LRRC7: variants seen among roughly 807,000 people sequenced by gnomAD.
LRRC7 encodes the protein leucine rich repeat containing 7.
In LRRC7, 23 loss-of-function variants were observed where a neutral mutation model predicts 175.7. The ratio of observed to expected loss-of-function variants is 0.13; its 90% CI spans 0.09 to 0.19. The LOEUF is 0.19. Among genes scored for constraint, LRRC7 ranks in the 10% least tolerant of loss-of-function variants. The probability of loss-of-function intolerance (pLI) is 1.00; values close to 1 mark genes in which losing one functional copy is unlikely to be tolerated. For missense variants in LRRC7, 1,354 were observed against 1,904.7 expected (o/e 0.71, Z 5.38); for synonymous variants, 685 against 680.9 (o/e 1.01, Z -0.09).
At chr1:69,593,724 G>C (rs1283682780) in intron 1 of LRRC7, among the ~76,000 whole-genome samples, 5 of 152,122 alleles carry the variant, frequency 3.3e-5, no homozygotes, top group African/African-American at 1.2e-4. Context: ...TGAAATCAGA[G>C]ACTGGGCATG....
chr1:69,847,886 C>A (rs1442935795), intron 7 of LRRC7, among the ~76,000 whole-genome samples: 1 of 152,138 alleles, frequency 6.6e-6, no homozygotes, highest in Non-Finnish European at 1.5e-5. Flanking sequence ...CTGCTCACAG[C>A]TTTCAGAAGA....
intron 4 of LRRC7, among the ~76,000 whole-genome samples, chr1:69,820,752 A>C (rs1679193224): frequency 6.6e-6 from 1 of 151,556 alleles, no homozygotes; most frequent in Non-Finnish European, 1.5e-5. Context: ...TTCTTTATCC[A>C]GTCTATCATT....
chr1:69,873,576 A>G, intron 7 of LRRC7: 2 of 510,960 alleles, frequency 3.9e-6, no homozygotes, highest in South Asian at 2.9e-5. Flanking sequence ...AAATGGCAGC[A>G]TCAGGAGCAT....
intron 8 of LRRC7, among the ~76,000 whole-genome samples, chr1:69,968,798 GT>G (rs924881078): frequency 6.6e-6 from 1 of 151,510 alleles, no homozygotes; most frequent in African/African-American, 2.4e-5. Flanking sequence ...TCTTTGTGGG[GT>G]TTTTTTGTTT....
chr1:69,928,243 C>CGGG (rs1274364518), intron 7 of LRRC7, among the ~76,000 whole-genome samples: 11 of 152,144 alleles, frequency 7.2e-5, no homozygotes, highest in African/African-American at 2.7e-4. Flanking sequence ...TTAGGCTGCT[C>CGGG]GGGGGTCAGG....
chr1:69,811,052 A>G (rs772281748), intron 4 of LRRC7, among the ~76,000 whole-genome samples: 23 of 152,332 alleles, frequency 1.5e-4, no homozygotes, highest in Non-Finnish European at 2.6e-4. Flanking sequence ...TCCAGAATCT[A>G]TAAGGAACTT....
At chr1:69,906,470 C>A (rs1429258121) in intron 7 of LRRC7, among the ~76,000 whole-genome samples, 2 of 152,176 alleles carry the variant, frequency 1.3e-5, no homozygotes, top group Non-Finnish European at 2.9e-5. Flanking sequence ...TTTCACCTTT[C>A]TACATATGGC....
chr1:70,004,091 TTTA>T (rs1333746923), intron 11 of LRRC7, among the ~76,000 whole-genome samples: 1 of 152,172 alleles, frequency 6.6e-6, no homozygotes, highest in East Asian at 1.9e-4. Context: ...AAATGAAAAG[TTTA>T]TTATCTCTAT....
intron 4 of LRRC7, among the ~76,000 whole-genome samples, chr1:69,803,123 G>A (rs540427810): frequency 4.0e-4 from 60 of 151,284 alleles, no homozygotes; most frequent in African/African-American, 6.0e-4. Flanking sequence ...CTTATTTGCC[G>A]ATTCCTGTGC....
intron 7 of LRRC7, among the ~76,000 whole-genome samples, chr1:69,911,551 C>T (rs117439100): frequency 2.0e-5 from 3 of 152,270 alleles, no homozygotes; most frequent in East Asian, 3.9e-4. Flanking sequence ...ATGCTTCCTC[C>T]CTCTTAAATC....
chr1:69,821,756 G>A (rs1679321304), intron 4 of LRRC7, among the ~76,000 whole-genome samples: 1 of 151,944 alleles, frequency 6.6e-6, no homozygotes, highest in East Asian at 1.9e-4. Flanking sequence ...TTAGCCTGGT[G>A]TGTTGGTGGG....
chr1:69,922,627 T>A (rs1329549840), intron 7 of LRRC7, among the ~76,000 whole-genome samples: 1 of 152,090 alleles, frequency 6.6e-6, no homozygotes, highest in Non-Finnish European at 1.5e-5. Flanking sequence ...AAAAGCATAT[T>A]GGATAGAAGA....
intron 1 of LRRC7, among the ~76,000 whole-genome samples, chr1:69,618,851 G>T (rs1245188818): frequency 6.6e-6 from 1 of 152,128 alleles, no homozygotes; most frequent in Non-Finnish European, 1.5e-5. Flanking sequence ...ATTTGAAAAG[G>T]CAGAATAAGG....
At position 70,133,523 on chromosome 1, in the gene LRRC7, T is replaced by C. The variant is rs1254698325; in HGVS notation, c.*11636T>C. Among the ~76,000 whole-genome samples the C allele has an allele frequency of 6.6e-6, 1 of 152,168 alleles. No individual in the cohort carries two copies. Among genetic ancestry groups the C allele is most frequent in the East Asian group, 1.9e-4 (1 of 5,192 alleles). On this transcript the variant is annotated 3_prime_UTR_variant, in exon 27 of 27. Transcript: ENST00000651989. ...TTACACAGTCTGTTTTTATGCCCCT[T>C]GTGCTGATACAATTGCTAACAACAC...
chr1:69,918,205 C>T (rs1041827620), intron 7 of LRRC7, among the ~76,000 whole-genome samples: 9 of 152,108 alleles, frequency 5.9e-5, no homozygotes, highest in African/African-American at 9.7e-5. Context: ...ACAATGCACA[C>T]GATAGCCCCC....
At chr1:69,912,201 C>A (rs1322203608) in intron 7 of LRRC7, among the ~76,000 whole-genome samples, 1 of 152,000 alleles carries the variant, frequency 6.6e-6, no homozygotes, top group Admixed American at 6.6e-5. Context: ...CCCAATATAA[C>A]AAGTAATAAC....
At chr1:69,919,713 TG>T in intron 7 of LRRC7, 1 of 1,015,922 alleles carries the variant, frequency 9.8e-7, no homozygotes, top group Non-Finnish European at 1.5e-6. Flanking sequence ...AGGGGAGACC[TG>T]GGTGCCTTCA....
intron 1 of LRRC7, among the ~76,000 whole-genome samples, chr1:69,631,754 C>T (rs989455225): frequency 5.3e-5 from 8 of 152,120 alleles, no homozygotes; most frequent in Non-Finnish European, 7.4e-5. Context: ...TACCACTTTT[C>T]CTAAAAGCCC....
chr1:69,819,995 C>A (rs921593547), intron 4 of LRRC7, among the ~76,000 whole-genome samples: 1 of 151,970 alleles, frequency 6.6e-6, no homozygotes, highest in South Asian at 2.1e-4. Context: ...GACTCTATGT[C>A]TTTTCATTAG....
Sources: allele counts gnomAD v4.1 joint callset (sites outside exome capture counted in the v4.1 genomes callset), GRCh38; gene constraint gnomAD v4.1.1; transcripts MANE v1.5; gene names NCBI Gene and HGNC (gene_info 2026-07-23, HGNC 2026-07-21).